Variants in CPQ observed in about 807,000 individuals in gnomAD.
The protein encoded by CPQ is carboxypeptidase Q, also known as Ser-Met dipeptidase.
CPQ carries 37 observed loss-of-function variants against 45.7 expected under a neutral mutation model. The observed-to-expected ratio is 0.81, with a 90% CI of 0.62 to 1.07. The LOEUF (loss-of-function observed/expected upper bound fraction) is 1.07, where lower values mean the gene tolerates loss of function less well. CPQ is among the 50% of genes least tolerant of loss of function. CPQ has a pLI of 0.00. For synonymous variants in CPQ, 186 were observed against 205.8 expected (o/e 0.90, Z 0.82); for missense variants, 537 against 572.9 (o/e 0.94, Z 0.64).
chr8:96,783,933 G>A (rs911880390), intron 1 of CPQ, among the ~76,000 whole-genome samples: 5 of 152,052 alleles, frequency 3.3e-5, no homozygotes, highest in Admixed American at 6.6e-5. Context: ...TTGTGGACTG[G>A]TATGGCCCAC....
rs527418253 is a variant in CPQ at position 96,671,062 on chromosome 8, T to C, written c.-35+25660T>C. On this transcript the variant is annotated intron_variant, in intron 1 of 7. Coordinates refer to ENST00000220763, the MANE Select transcript of CPQ (RefSeq NM_016134.4). The stretch of plus-strand genomic sequence containing the variant: ...CTGGGGAAAGTTTACATAGGATCTC[T>C]CTGTATTCTTTCTTATAACTCAATG... Among the ~76,000 whole-genome samples, 8 of 152,294 alleles carry C rather than the reference T, an allele frequency of 5.3e-5. No individual in the cohort carries two copies. In the South Asian group the frequency reaches 1.7e-3, roughly 32 times the overall value.
At chr8:97,135,283 T>C (rs1812031586) in intron 7 of CPQ, among the ~76,000 whole-genome samples, 1 of 152,216 alleles carries the variant, frequency 6.6e-6, no homozygotes, top group Non-Finnish European at 1.5e-5. Context: ...TTTCTGGTCC[T>C]GTCCTGTCCT....
chr8:97,016,095 T>TTAATTAA (rs1809575818), intron 5 of CPQ, among the ~76,000 whole-genome samples: 1 of 152,056 alleles, frequency 6.6e-6, no homozygotes, highest in Admixed American at 6.5e-5. Flanking sequence ...ATTTTAAAAA[T>TTAATTAA]AAAATAATTA....
chr8:96,672,761 G>A (rs1385802413), intron 1 of CPQ, among the ~76,000 whole-genome samples: 8 of 152,080 alleles, frequency 5.3e-5, no homozygotes, highest in Non-Finnish European at 1.0e-4. Context: ...CTGGGAGACA[G>A]AGCAAGACTC....
chr8:96,828,594 G>A (rs964961647), intron 2 of CPQ, among the ~76,000 whole-genome samples: 1 of 151,950 alleles, frequency 6.6e-6, no homozygotes, highest in African/African-American at 2.4e-5. Context: ...ATTTTCCTCT[G>A]TAAATACTGC....
chr8:97,074,642 G>A (rs943850494), intron 7 of CPQ, among the ~76,000 whole-genome samples: 1 of 152,068 alleles, frequency 6.6e-6, no homozygotes, highest in Non-Finnish European at 1.5e-5. Flanking sequence ...GTAGTAGCGG[G>A]TGCCTGTAAT....
rs1168167549 is a variant in CPQ at position 97,123,057 on chromosome 8, TA to T, written c.1256-19959del. Among the ~76,000 whole-genome samples the T allele has an allele frequency of 7.9e-3, 264 of 33,488 alleles. 14 individuals carry two copies. The highest frequency in any genetic ancestry group is 0.012 in the African/African-American group (87 of 7,518). The allele number at this position is 33,488 out of a possible 152,430, so 22.0% of individuals were successfully genotyped here. A position where few individuals can be genotyped will look rare whatever the true frequency, so the allele number is the denominator to read the frequency against. On this transcript the variant is annotated intron_variant, in intron 7 of 7. Coordinates refer to ENST00000220763, the MANE Select transcript of CPQ (RefSeq NM_016134.4). Reference sequence around the variant, plus strand: ...ATAAAATAAAATAAATAAAATAAAATAAAATAAAAAAAATAAAATAAAATAA... The same window carrying T: ...ATAAAATAAAATAAATAAAATAAAATAAATAAAAAAAATAAAATAAAATAA...
intron 5 of CPQ, among the ~76,000 whole-genome samples, chr8:97,005,934 T>A (rs1484185131): frequency 6.6e-6 from 1 of 152,204 alleles, no homozygotes; most frequent in Non-Finnish European, 1.5e-5. Flanking sequence ...AAAAAGATCA[T>A]TGCCTATTTT....
At chr8:96,861,949 T>C (rs186597640) in intron 3 of CPQ, among the ~76,000 whole-genome samples, 2 of 152,210 alleles carry the variant, frequency 1.3e-5, no homozygotes, top group East Asian at 3.9e-4. Context: ...AGAAACTTTC[T>C]TGAAGGAGAT....
chr8:97,013,867 G>T (rs1563554314), intron 5 of CPQ, among the ~76,000 whole-genome samples: 1 of 152,152 alleles, frequency 6.6e-6, no homozygotes, highest in Non-Finnish European at 1.5e-5. Context: ...TATAGAAAAA[G>T]ATGTATTCTT....
intron 6 of CPQ, among the ~76,000 whole-genome samples, chr8:97,052,098 T>C (rs1251447265): frequency 6.6e-6 from 1 of 152,236 alleles, no homozygotes. Flanking sequence ...ATGATCATTA[T>C]TCCCGACATA....
At chr8:96,884,723 G>A (rs1386293190) in intron 4 of CPQ, among the ~76,000 whole-genome samples, 2 of 152,150 alleles carry the variant, frequency 1.3e-5, no homozygotes, top group Non-Finnish European at 2.9e-5. Flanking sequence ...CAGGGAAGGA[G>A]TTCAGTTCCA....
At chr8:96,997,322 C>T (rs1249503611) in intron 5 of CPQ, among the ~76,000 whole-genome samples, 2 of 151,880 alleles carry the variant, frequency 1.3e-5, no homozygotes, top group Non-Finnish European at 2.9e-5. Flanking sequence ...TACTTTTCTC[C>T]AAAGGATTCA....
intron 3 of CPQ, among the ~76,000 whole-genome samples, chr8:96,864,186 G>T (rs1346272773): frequency 6.6e-6 from 1 of 151,986 alleles, no homozygotes; most frequent in Non-Finnish European, 1.5e-5. Context: ...CTTCCTAACT[G>T]GCTTATTCTG....
Position 96,975,100 on chromosome 8 carries a change from C to T in CPQ, c.961+9054C>T, listed in dbSNP as rs138352523. Among the ~76,000 whole-genome samples the T allele has an allele frequency of 3.5e-4, 53 of 151,702 alleles. No homozygotes were observed. The East Asian group carries it at 7.9e-3, about 23-fold the overall frequency. ...AAGATAAATGAAACAGATAGACCAA[C>T]GAGATTAACCAAGAAAAGAAGAGAG... On this transcript the variant is annotated intron_variant, in intron 5 of 7. Coordinates refer to ENST00000220763, the MANE Select transcript of CPQ (RefSeq NM_016134.4).
At chr8:96,657,086 C>A (rs1213763429) in intron 1 of CPQ, among the ~76,000 whole-genome samples, 1 of 151,990 alleles carries the variant, frequency 6.6e-6, no homozygotes, top group African/African-American at 2.4e-5. Context: ...GTGGCTCACG[C>A]CTGTAATCCC....
intron 1 of CPQ, among the ~76,000 whole-genome samples, chr8:96,768,288 CTT>C (rs71569182): frequency 7.0e-5 from 10 of 143,354 alleles, no homozygotes; most frequent in Admixed American, 2.8e-4. Context: ...TGGCTTAACA[CTT>C]TTTTTTTTTT....
chr8:96,855,598 C>T (rs1336219520), intron 3 of CPQ, among the ~76,000 whole-genome samples: 1 of 152,196 alleles, frequency 6.6e-6, no homozygotes, highest in Admixed American at 6.5e-5. Flanking sequence ...TTCAGCCGCT[C>T]TCATTTATTC....
chr8:96,787,927 A>G (rs1024142208), intron 2 of CPQ, among the ~76,000 whole-genome samples: 1 of 101,624 alleles, frequency 9.8e-6, no homozygotes, highest in Non-Finnish European at 2.3e-5. Flanking sequence ...TTTTGGGCAG[A>G]ACAACTGTTT....
Sources: gnomAD v4.1 joint callset for allele counts (sites outside exome capture counted in the v4.1 genomes callset) on GRCh38, gnomAD v4.1.1 for gene constraint, MANE v1.5 for transcripts, NCBI Gene and HGNC (gene_info 2026-07-23, HGNC 2026-07-21) for gene names.